Variants in OSBPL10 observed in about 807,000 individuals in gnomAD.
The protein encoded by OSBPL10 is oxysterol binding protein like 10.
A neutral mutation model predicts 81.7 loss-of-function variants in OSBPL10; 49 were observed. The ratio of observed to expected loss-of-function variants is 0.60; its 90% CI spans 0.48 to 0.76. OSBPL10 has a LOEUF of 0.76. Among genes scored for constraint, OSBPL10 ranks in the 30% least tolerant of loss-of-function variants. The probability of loss-of-function intolerance (pLI) is 0.00; values close to 1 mark genes in which losing one functional copy is unlikely to be tolerated. For missense variants in OSBPL10, 923 were observed against 987.8 expected (o/e 0.93, Z 0.88); for synonymous variants, 419 against 383.6 (o/e 1.09, Z -1.08).
intron 3 of OSBPL10, among the ~76,000 whole-genome samples, chr3:31,872,195 T>C (rs1172200691): frequency 6.6e-6 from 1 of 152,208 alleles, no homozygotes; most frequent in Non-Finnish European, 1.5e-5. Flanking sequence ...TGTCTGTTTG[T>C]CAGTTTCTGT....
At chr3:31,841,684 C>A (rs1450822634) in intron 3 of OSBPL10, among the ~76,000 whole-genome samples, 2 of 152,216 alleles carry the variant, frequency 1.3e-5, no homozygotes, top group East Asian at 3.8e-4. Context: ...CTGATGCATT[C>A]TAGTGCTGAC....
chr3:31,819,749 A>G (rs1053760267), intron 4 of OSBPL10, among the ~76,000 whole-genome samples: 1 of 152,212 alleles, frequency 6.6e-6, no homozygotes, highest in Non-Finnish European at 1.5e-5. Flanking sequence ...TTTTTGCTGT[A>G]TCAACTTGGA....
intron 1 of OSBPL10, among the ~76,000 whole-genome samples, chr3:32,059,830 T>C (rs1389968954): frequency 6.6e-6 from 1 of 151,572 alleles, no homozygotes; most frequent in Admixed American, 6.6e-5. Context: ...GTGGATTGAT[T>C]GAGCCCAGGA....
At chr3:31,943,727 G>C (rs150889064) in intron 1 of OSBPL10, among the ~76,000 whole-genome samples, 2 of 152,112 alleles carry the variant, frequency 1.3e-5, no homozygotes, top group East Asian at 3.9e-4. Context: ...CAGCACTTTG[G>C]GAGGCCAAGA....
chr3:31,975,103 G>C (rs1210315027), intron 1 of OSBPL10, among the ~76,000 whole-genome samples: 3 of 152,156 alleles, frequency 2.0e-5, no homozygotes, highest in Non-Finnish European at 4.4e-5. Flanking sequence ...ATTCTGCAGG[G>C]AGTAGTTAAT....
intron 4 of OSBPL10, among the ~76,000 whole-genome samples, chr3:31,819,093 G>A (rs1266629714): frequency 1.3e-5 from 2 of 152,356 alleles, no homozygotes; most frequent in Non-Finnish European, 2.9e-5. Context: ...CAAGGAGAAT[G>A]TCTCCTCACC....
chr3:31,919,378 G>A (rs532696625), intron 1 of OSBPL10: 1 of 152,368 alleles, frequency 6.6e-6, no homozygotes, highest in Non-Finnish European at 1.5e-5. Context: ...ATACATCGGG[G>A]TGACTTACTG....
chr3:31,683,222 T>A (rs1050059639), intron 8 of OSBPL10, among the ~76,000 whole-genome samples: 1 of 152,254 alleles, frequency 6.6e-6, no homozygotes, highest in African/African-American at 2.4e-5. Flanking sequence ...GAGCAGATTT[T>A]GAATAGGCAG....
intron 8 of OSBPL10, among the ~76,000 whole-genome samples, chr3:31,681,443 C>T (rs1700639449): frequency 6.6e-6 from 1 of 152,180 alleles, no homozygotes; most frequent in Admixed American, 6.5e-5. Context: ...TCCACATTTA[C>T]AGTCCCTAAT....
intron 1 of OSBPL10, among the ~76,000 whole-genome samples, chr3:31,927,588 A>T (rs1156566028): frequency 6.7e-6 from 1 of 149,474 alleles, no homozygotes; most frequent in Non-Finnish European, 1.5e-5. Context: ...ACTGATATAA[A>T]AGGAACAGAG....
At chr3:32,050,291 G>T (rs1273636821) in intron 1 of OSBPL10, among the ~76,000 whole-genome samples, 2 of 152,240 alleles carry the variant, frequency 1.3e-5, no homozygotes, top group African/African-American at 4.8e-5. Context: ...CAGTGCTGTA[G>T]CTTAGTAGCT....
intron 4 of OSBPL10, chr3:31,795,039 T>C (rs1488358956): frequency 4.7e-6 from 1 of 212,980 alleles, no homozygotes; most frequent in Non-Finnish European, 1.0e-5. Flanking sequence ...AGCAAGAGGC[T>C]ACTCACAATG....
At chr3:31,797,697 T>C (rs1362627178) in intron 4 of OSBPL10, 1 of 410,658 alleles carries the variant, frequency 2.4e-6, no homozygotes, top group South Asian at 1.7e-5. Flanking sequence ...ACAGTTTTTT[T>C]ATATGTACCA....
chr3:31,668,817 C>T lies in OSBPL10; in HGVS notation c.1921G>A (p.Ala641Thr), dbSNP rs190906559. The change falls in exon 10 of 12, where the codon GCA (alanine) becomes ACA (threonine). Residue 641 changes from alanine to threonine, a missense_variant. By Grantham distance (58) the Ala-to-Thr change is moderately conservative. Coordinates refer to ENST00000396556, the MANE Select transcript of OSBPL10 (RefSeq NM_017784.5). ...TTGGTTGGGTTGTGCTTCACTTCTG[C>T]GGTAACCCTGAATTAATGAGTCAAA... ...FYGGKVHRVT[A>T]EVKHNPTNTI... The T allele has an allele frequency of 1.6e-5, 26 of 1,606,194 alleles. No individual in the cohort carries two copies. The East Asian group carries it at 4.0e-4, about 25-fold the overall frequency.
intron 1 of OSBPL10, among the ~76,000 whole-genome samples, chr3:31,909,789 T>A (rs1295883297): frequency 6.6e-6 from 1 of 152,088 alleles, no homozygotes; most frequent in Non-Finnish European, 1.5e-5. Context: ...GGAACCCACA[T>A]GAATCTACTA....
At chr3:32,041,989 A>G (rs1360373931) in intron 2 of OSBPL10, among the ~76,000 whole-genome samples, 1 of 152,100 alleles carries the variant, frequency 6.6e-6, no homozygotes, top group Non-Finnish European at 1.5e-5. Flanking sequence ...AGAAAATACC[A>G]TGCAGCTTCC....
intron 8 of OSBPL10, among the ~76,000 whole-genome samples, chr3:31,672,674 A>G (rs1700355156): frequency 6.6e-6 from 1 of 152,024 alleles, no homozygotes. Flanking sequence ...CAGCAACATC[A>G]CTCTCAGTTC....
rs559264146 is a variant in OSBPL10, at chr3:31,993,679, CAT to C, written n.298+52810_298+52811del. On this transcript the variant is annotated intron_variant and non_coding_transcript_variant, in intron 2 of 3. Coordinates refer to the OSBPL10 transcript ENST00000479173. ...ATACCTATTAACATGACTACACACA[CAT>C]ACACACACACACACACACACACACA... Among the ~76,000 whole-genome samples, 639 of 135,584 alleles carry C rather than the reference CAT, an allele frequency of 4.7e-3. 3 individuals are homozygous for C. Among genetic ancestry groups the C allele is most frequent in the African/African-American group, 0.02 (591 of 29,558 alleles). 88.9% of individuals were successfully genotyped at this position (135,584 alleles called of 152,430 possible).
intron 6 of OSBPL10, among the ~76,000 whole-genome samples, chr3:31,721,215 C>T (rs1696633520): frequency 2.0e-5 from 3 of 152,172 alleles, no homozygotes; most frequent in African/African-American, 7.2e-5. Flanking sequence ...CAGATTCTAC[C>T]CTAGAGCGTT....
Sources: gnomAD v4.1 joint callset for allele counts (sites outside exome capture counted in the v4.1 genomes callset) on GRCh38, gnomAD v4.1.1 for gene constraint, MANE v1.5 for transcripts, NCBI Gene and HGNC (gene_info 2026-07-23, HGNC 2026-07-21) for gene names.